Variants in TPTE2 observed in about 807,000 individuals in gnomAD.
TPTE2 encodes transmembrane phosphoinositide 3-phosphatase and tensin homolog 2, also known as phosphatidylinositol 3,4,5-trisphosphate 3-phosphatase TPTE2.
In TPTE2, 53 loss-of-function variants were observed where a neutral mutation model predicts 78.6. That is an observed-to-expected ratio of 0.67 (90% CI 0.54 to 0.85). TPTE2 has a LOEUF of 0.85. Ranked by LOEUF, TPTE2 falls within the 40% of genes least tolerant of loss-of-function variation. The pLI is 0.00. For synonymous variants in TPTE2, 175 were observed against 206.2 expected, an observed-to-expected ratio of 0.85 and a Z score of 1.30; for missense variants, 461 against 623.0, an observed-to-expected ratio of 0.74 and a Z score of 2.77.
intron 1 of TPTE2, 134 bp from the exon 5 acceptor site, chr13:19,493,635 C>G: frequency 1.2e-6 from 1 of 804,800 alleles, no homozygotes; most frequent in Non-Finnish European, 2.2e-6. Context: ...ACTATTGGAA[C>G]CTGGAATGTC....
chr13:19,553,874 T>C, the TPTE2 span, among the ~76,000 whole-genome samples: 36 of 152,250 alleles, frequency 2.4e-4, no homozygotes, highest in African/African-American at 8.2e-4. Flanking sequence ...TTCATGGATG[T>C]ATATATTTGT....
intron 10 of TPTE2, among the ~76,000 whole-genome samples, chr13:19,452,575 A>G (rs561390270): frequency 6.6e-6 from 1 of 152,330 alleles, no homozygotes; most frequent in South Asian, 2.1e-4. Flanking sequence ...CTACGTAAAC[A>G]TTCAGTGTCA....
intron 1 of TPTE2, among the ~76,000 whole-genome samples, chr13:19,500,397 C>T (rs1216092978): frequency 1.3e-5 from 2 of 151,882 alleles, no homozygotes; most frequent in East Asian, 1.9e-4. Flanking sequence ...TGCAAAAATC[C>T]TCAATACAAT....
intron 1 of TPTE2, among the ~76,000 whole-genome samples, chr13:19,522,025 A>G (rs1870180529): frequency 1.3e-5 from 2 of 152,110 alleles, no homozygotes; most frequent in African/African-American, 4.8e-5. Flanking sequence ...AAATTTTTTT[A>G]GTTTTGTTTA....
chr13:19,497,308 G>A (rs1593398799), intron 1 of TPTE2, among the ~76,000 whole-genome samples: 1 of 140,670 alleles, frequency 7.1e-6, no homozygotes, highest in Non-Finnish European at 1.6e-5. Flanking sequence ...ACAGCTCAAG[G>A]AGGCCTGCCT....
chr13:19,436,680 G>T (rs1267587047), intron 14 of TPTE2, among the ~76,000 whole-genome samples: 1 of 152,216 alleles, frequency 6.6e-6, no homozygotes, highest in East Asian at 1.9e-4. Flanking sequence ...CTCCCAAAGT[G>T]CTGGGATTAC....
intron 9 of TPTE2, among the ~76,000 whole-genome samples, 189 bp downstream of exon 12, chr13:19,465,066 C>T (rs1879177386): frequency 6.6e-6 from 1 of 152,152 alleles, no homozygotes; most frequent in Admixed American, 6.6e-5. Context: ...CTGAGTAGTC[C>T]TGAATTGAGA....
At chr13:19,555,071 C>T in the TPTE2 span, among the ~76,000 whole-genome samples, 1 of 152,300 alleles carries the variant, frequency 6.6e-6, no homozygotes, top group African/African-American at 2.4e-5. Context: ...ATGTTCCAGG[C>T]ACCTCAAGCA....
intron 6 of TPTE2, among the ~76,000 whole-genome samples, chr13:19,470,536 T>C (rs921479840): frequency 3.3e-5 from 5 of 151,904 alleles, no homozygotes; most frequent in South Asian, 2.1e-4. Context: ...TTTATTTTTA[T>C]TTTTTTTGAG....
At chr13:19,425,245 G>A (rs531187873) in intron 18 of TPTE2, among the ~76,000 whole-genome samples, 1 of 152,278 alleles carries the variant, frequency 6.6e-6, no homozygotes, top group African/African-American at 2.4e-5. Context: ...AAGGAATAGT[G>A]TTTTTCCCAT....
intron 6 of TPTE2, among the ~76,000 whole-genome samples, chr13:19,473,597 C>CTTTT (rs34210025): frequency 2.6e-4 from 34 of 129,108 alleles, no homozygotes; most frequent in South Asian, 4.8e-4. Flanking sequence ...TTTTAAAATG[C>CTTTT]TTTTTTTTTT....
chr13:19,492,438 T>C (rs1340922610), intron 3 of TPTE2, among the ~76,000 whole-genome samples: 3 of 152,212 alleles, frequency 2.0e-5, no homozygotes, highest in African/African-American at 7.2e-5. Context: ...TGGAACACTA[T>C]GGTAGGGTCT....
the TPTE2 span, chr13:19,560,651 A>T: frequency 2.8e-5 from 44 of 1,558,688 alleles, no homozygotes; most frequent in Admixed American, 8.4e-5. Context: ...GGGTCGGGCA[A>T]GGCATAGAGC....
Position 19,482,093 on chromosome 13 carries a change from G to T in TPTE2, c.179+395C>A, listed in dbSNP as rs534014271. ...TAGTCAGCAAAACATGTTTGCTTTT[G>T]CTATCAATACTATTTGCTCATAGGG... On this transcript the variant is annotated intron_variant, in intron 4 of 19. Coordinates refer to ENST00000400230, the Ensembl canonical transcript of TPTE2. Among the ~76,000 whole-genome samples, 12 of 152,168 alleles carry T rather than the reference G, an allele frequency of 7.9e-5. No homozygotes were observed. The East Asian group carries it at 2.3e-3, about 29-fold the overall frequency.
chr13:19,523,113 G>A (rs191094165), intron 1 of TPTE2, among the ~76,000 whole-genome samples: 2 of 152,218 alleles, frequency 1.3e-5, no homozygotes, highest in East Asian at 1.9e-4. Flanking sequence ...GTCAGGTCAC[G>A]TAATGACGTT....
the TPTE2 span, among the ~76,000 whole-genome samples, chr13:19,542,330 T>C: frequency 6.6e-6 from 1 of 152,168 alleles, no homozygotes; most frequent in African/African-American, 2.4e-5. Context: ...GAGAGTCTCC[T>C]GCTCAGGGTC....
At chr13:19,537,595 G>GT (rs1871284863), upstream of TPTE2, among the ~76,000 whole-genome samples, 1 of 149,934 alleles carries the variant, frequency 6.7e-6, no homozygotes, top group African/African-American at 2.5e-5. Flanking sequence ...GGACAGAAGT[G>GT]TTTTTTTGTT....
intron 4 of TPTE2, among the ~76,000 whole-genome samples, chr13:19,479,706 G>A (rs1456595303): frequency 6.6e-6 from 1 of 152,156 alleles, no homozygotes; most frequent in African/African-American, 2.4e-5. Context: ...GCTCACGCCT[G>A]TAATCCCAGC....
At chr13:19,507,304 T>TAAAAAAA (rs370011146), upstream of TPTE2, among the ~76,000 whole-genome samples, 5 of 112,158 alleles carry the variant, frequency 4.5e-5, no homozygotes, top group South Asian at 6.4e-4. Flanking sequence ...CTAGCTGTTC[T>TAAAAAAA]AAAAAAAAAA....
Sources: allele counts gnomAD v4.1 joint callset (sites outside exome capture counted in the v4.1 genomes callset), GRCh38; gene constraint gnomAD v4.1.1; transcripts MANE v1.5; gene names NCBI Gene and HGNC (gene_info 2026-07-23, HGNC 2026-07-21).